Variants in PPM1L observed in about 807,000 individuals in gnomAD.
PPM1L encodes protein phosphatase, Mg2+/Mn2+ dependent 1L.
PPM1L carries 13 observed loss-of-function variants against 31.4 expected under a neutral mutation model. The ratio of observed to expected loss-of-function variants is 0.41; its 90% CI spans 0.27 to 0.66. The LOEUF (loss-of-function observed/expected upper bound fraction) is 0.66, where lower values mean the gene tolerates loss of function less well. Among genes scored for constraint, PPM1L ranks in the 30% least tolerant of loss-of-function variants. PPM1L has a pLI of 0.29. For missense variants in PPM1L, 326 were observed against 453.7 expected (o/e 0.72, Z 2.56); for synonymous variants, 184 against 175.4 (o/e 1.05, Z -0.39).
intron 1 of PPM1L, among the ~76,000 whole-genome samples, chr3:160,823,876 G>C (rs1713277786): frequency 6.6e-6 from 1 of 152,088 alleles, no homozygotes; most frequent in African/African-American, 2.4e-5. Context: ...CAAGAATGCT[G>C]TTCAGTATTG....
At chr3:160,784,831 A>G (rs1270232526) in intron 1 of PPM1L, among the ~76,000 whole-genome samples, 2 of 152,216 alleles carry the variant, frequency 1.3e-5, no homozygotes, top group African/African-American at 4.8e-5. Flanking sequence ...TATTTGTCCC[A>G]GATAAACCTT....
intron 1 of PPM1L, among the ~76,000 whole-genome samples, chr3:160,863,952 A>T (rs1454170382): frequency 6.6e-6 from 1 of 152,190 alleles, no homozygotes; most frequent in South Asian, 2.1e-4. Flanking sequence ...ATCTAGATGG[A>T]TATAGGTAGA....
intron 2 of PPM1L, among the ~76,000 whole-genome samples, chr3:160,974,920 T>G (rs1346314623): frequency 6.6e-6 from 1 of 151,586 alleles, no homozygotes; most frequent in Non-Finnish European, 1.5e-5. Context: ...CCATTGCTTT[T>G]GGTGTTTTAG....
intron 1 of PPM1L, among the ~76,000 whole-genome samples, chr3:160,922,308 TA>T (rs1714442814): frequency 1.3e-5 from 2 of 151,976 alleles, no homozygotes; most frequent in African/African-American, 4.8e-5. Context: ...AGACTCCGTC[TA>T]AAAAAAATAT....
intron 1 of PPM1L, among the ~76,000 whole-genome samples, chr3:160,839,529 A>G (rs772870419): frequency 1.2e-4 from 19 of 152,228 alleles, no homozygotes; most frequent in Non-Finnish European, 2.4e-4. Flanking sequence ...GCCTGATATC[A>G]TTAAACATGC....
intron 2 of PPM1L, among the ~76,000 whole-genome samples, chr3:161,062,026 C>T (rs1276725701): frequency 6.6e-6 from 1 of 152,160 alleles, no homozygotes; most frequent in Non-Finnish European, 1.5e-5. Flanking sequence ...GTTGCCATGA[C>T]CCTAAGGGAT....
rs1287550281 is a variant in PPM1L at position 161,069,977 on chromosome 3, C to T, written c.*820C>T. 2.6e-5 allele frequency: 4 copies of T among 152,140 alleles called. No individual in the cohort carries two copies. Among genetic ancestry groups the T allele is most frequent in the Non-Finnish European group, 5.9e-5 (4 of 68,042 alleles). The allele number at this position is 152,140 out of a possible 1,614,324, so 9.4% of individuals were successfully genotyped here. On this transcript the variant is annotated 3_prime_UTR_variant, in exon 4 of 4. Transcript: ENST00000498165. ...TTCATCTTACGTGACCAAGAAACCACGTTAGGGGAAATGAAAAAAGCAAGC... is the reference window on the plus strand; with the variant it reads ...TTCATCTTACGTGACCAAGAAACCATGTTAGGGGAAATGAAAAAAGCAAGC...
chr3:160,757,668 A>G (rs1289829715), intron 1 of PPM1L, among the ~76,000 whole-genome samples: 1 of 152,212 alleles, frequency 6.6e-6, no homozygotes, highest in African/African-American at 2.4e-5. Context: ...CACTGGGCCA[A>G]TCACCCCATC....
intron 1 of PPM1L, among the ~76,000 whole-genome samples, chr3:160,931,939 G>T (rs1365650145): frequency 6.6e-6 from 1 of 152,194 alleles, no homozygotes; most frequent in Non-Finnish European, 1.5e-5. Flanking sequence ...TGCCTTCTCA[G>T]AGACTTTTTT....
chr3:160,771,326 G>A (rs966997791), intron 1 of PPM1L, among the ~76,000 whole-genome samples: 6 of 150,236 alleles, frequency 4.0e-5, no homozygotes, highest in African/African-American at 1.5e-4. Context: ...GTGAGATCTC[G>A]GCTCACTGCA....
At chr3:160,842,256 G>A (rs774285172) in intron 1 of PPM1L, 5 of 702,512 alleles carry the variant, frequency 7.1e-6, no homozygotes, top group Non-Finnish European at 1.3e-5. Context: ...GCCATTAGCA[G>A]AGAGGGCTAG....
At chr3:160,925,100 C>A (rs1351865898) in intron 1 of PPM1L, among the ~76,000 whole-genome samples, 1 of 152,162 alleles carries the variant, frequency 6.6e-6, no homozygotes, top group Non-Finnish European at 1.5e-5. Context: ...AGAAGCTATA[C>A]CTAATCATTG....
chr3:160,791,121 A>G (rs1712092400), intron 1 of PPM1L, among the ~76,000 whole-genome samples: 5 of 152,102 alleles, frequency 3.3e-5, no homozygotes, highest in Admixed American at 2.6e-4. Context: ...GTCTCTCACT[A>G]GTTTTATAAG....
At chr3:160,805,251 ATTG>A (rs1475457019) in intron 1 of PPM1L, among the ~76,000 whole-genome samples, 1 of 152,174 alleles carries the variant, frequency 6.6e-6, no homozygotes, top group African/African-American at 2.4e-5. Context: ...TATTTGCCAA[ATTG>A]TTTTTTTCTT....
At chr3:160,944,956 CT>C (rs374253017) in intron 1 of PPM1L, among the ~76,000 whole-genome samples, 7,777 of 28,068 alleles carry the variant, frequency 0.28, 2,588 homozygotes, top group Middle Eastern at 0.42. Flanking sequence ...CTATATATAA[CT>C]ATATAACATA....
chr3:161,057,855 A>C (rs900406046), intron 2 of PPM1L, among the ~76,000 whole-genome samples: 1 of 151,912 alleles, frequency 6.6e-6, no homozygotes, highest in Non-Finnish European at 1.5e-5. Context: ...CCTTAGAGCC[A>C]GAAAATGTTT....
chr3:160,960,148 CAT>C (rs148309996), intron 1 of PPM1L, among the ~76,000 whole-genome samples: 27 of 148,790 alleles, frequency 1.8e-4, no homozygotes, highest in East Asian at 5.9e-4. Flanking sequence ...TAGCGTGTAT[CAT>C]ATATATATAT....
rs559380555 is a variant in PPM1L at position 160,824,442 on chromosome 3, T to C, written c.399+67735T>C. On this transcript the variant is annotated intron_variant, in intron 1 of 3. Coordinates refer to ENST00000498165, the MANE Select transcript of PPM1L (RefSeq NM_139245.4). ...ACCATAAGGGTGATGGTATTTTGAA[T>C]ACATGTTTTAGCACCATTAGTGTAT... 3.9e-5 allele frequency among the ~76,000 whole-genome samples: 6 copies of C among 152,316 alleles called. No homozygotes were observed. The East Asian group carries it at 1.2e-3, about 29-fold the overall frequency.
intron 1 of PPM1L, among the ~76,000 whole-genome samples, chr3:160,786,694 CA>C: frequency 6.6e-6 from 1 of 151,762 alleles, no homozygotes; most frequent in Admixed American, 6.6e-5. Context: ...TTCCATCACC[CA>C]GGTAGTGAGC....
Sources: gnomAD v4.1 joint callset for allele counts (sites outside exome capture counted in the v4.1 genomes callset) on GRCh38, gnomAD v4.1.1 for gene constraint, MANE v1.5 for transcripts, NCBI Gene and HGNC (gene_info 2026-07-23, HGNC 2026-07-21) for gene names.